The following KMT2C variants were observed in gnomAD, a reference collection of about 807,000 sequenced individuals.
KMT2C encodes the protein lysine methyltransferase 2C.
Under a neutral mutation model 507.9 loss-of-function variants are expected in KMT2C, and 88 were observed. That is an observed-to-expected ratio of 0.17 (90% CI 0.15 to 0.21). The LOEUF (loss-of-function observed/expected upper bound fraction) is 0.21, where lower values mean the gene tolerates loss of function less well. Ranked by LOEUF, KMT2C falls within the 10% of genes least tolerant of loss-of-function variation. KMT2C has a pLI of 1.00. For missense variants in KMT2C, 4,954 were observed against 5,957.8 expected, an observed-to-expected ratio of 0.83 and a Z score of 5.55; for synonymous variants, 2,049 against 2,080.8, an observed-to-expected ratio of 0.98 and a Z score of 0.42.
At chr7:152,320,690 G>A (rs912696851) in intron 3 of KMT2C, among the ~76,000 whole-genome samples, 2 of 151,950 alleles carry the variant, frequency 1.3e-5, no homozygotes, top group African/African-American at 4.8e-5. Context: ...TAAAAATTAA[G>A]TATTGAACAT....
chr7:152,341,701 GA>G (rs1340299066), intron 2 of KMT2C, among the ~76,000 whole-genome samples: 1 of 152,174 alleles, frequency 6.6e-6, no homozygotes, highest in South Asian at 2.1e-4. Context: ...TTTATCCAAA[GA>G]AAAACCTGAT....
At chr7:152,361,569 AAAAG>A (rs1445333679) in intron 1 of KMT2C, among the ~76,000 whole-genome samples, 1 of 152,192 alleles carries the variant, frequency 6.6e-6, no homozygotes, top group African/African-American at 2.4e-5. Flanking sequence ...GTCTCAAAAA[AAAAG>A]AATTTATTAA....
At chr7:152,313,106 C>CTAGA (rs2096688188) in intron 4 of KMT2C, among the ~76,000 whole-genome samples, 1 of 151,950 alleles carries the variant, frequency 6.6e-6, no homozygotes, top group Non-Finnish European at 1.5e-5. Flanking sequence ...AAAGGTATAG[C>CTAGA]ATGCTATGCT....
intron 24 of KMT2C, among the ~76,000 whole-genome samples, chr7:152,206,831 A>G (rs1321645516): frequency 6.6e-6 from 1 of 152,190 alleles, no homozygotes; most frequent in African/African-American, 2.4e-5. Context: ...ACTGGACTAT[A>G]AATTCTAGGA....
intron 6 of KMT2C, among the ~76,000 whole-genome samples, chr7:152,290,535 C>T (rs918526855): frequency 2.6e-5 from 4 of 151,084 alleles, no homozygotes; most frequent in African/African-American, 9.7e-5. Context: ...GTCTTGAGCT[C>T]CTGACCTCGT....
chr7:152,248,518 C>A lies in KMT2C; in HGVS notation c.1916G>T (p.Gly639Val), dbSNP rs769576763. Reference sequence around the variant, plus strand: ...CATTTTATCTTCAATTTGATCTTCGCCACAAATATGCTTCACTTCAGAAGA... The same window carrying A: ...CATTTTATCTTCAATTTGATCTTCGACACAAATATGCTTCACTTCAGAAGA... ...KMSSEVKHIC[G>V]EDQIEDKMEV... The change falls in exon 14 of 59, where the codon GGC (glycine) becomes GTC (valine). Residue 639 changes from glycine (G) to valine (V), a missense_variant. Physicochemically the swap from Gly to Val is moderately radical, Grantham distance 109. Around this residue, in one of 29 missense-constraint regions of KMT2C, gnomAD observed 376 missense variants for 352.4 expected, o/e 1.07. Transcript: ENST00000262189. 1.2e-6 allele frequency: 2 copies of A among 1,613,922 alleles called. No individual in the cohort carries two copies. Among genetic ancestry groups the A allele is most frequent in the South Asian group, 2.2e-5 (2 of 91,078 alleles).
intron 3 of KMT2C, among the ~76,000 whole-genome samples, chr7:152,330,310 T>G (rs1336432194): frequency 6.6e-6 from 1 of 152,178 alleles, no homozygotes; most frequent in Non-Finnish European, 1.5e-5. Context: ...TCATGCTAAA[T>G]GCTCACATTT....
At chr7:152,158,360 G>T (rs1023476474) in intron 44 of KMT2C, among the ~76,000 whole-genome samples, 2 of 152,128 alleles carry the variant, frequency 1.3e-5, no homozygotes, top group Non-Finnish European at 2.9e-5. Flanking sequence ...ATGAACATAA[G>T]AAAATCTTGA....
chr7:152,203,012 A>G lies in KMT2C; in HGVS notation c.4014T>C (p.Thr1338=), dbSNP rs754324175. Reference sequence around the variant, plus strand: ...TCTTCTTTATTTTTTCAGTGCTTTCAGTAACAGAAACAGATTCATCAACTA... The same window carrying G: ...TCTTCTTTATTTTTTCAGTGCTTTCGGTAACAGAAACAGATTCATCAACTA... ...DTLVDESVSV[T]ESTEKIKKRY... Residue 1338 remains threonine, a synonymous_variant, in exon 26 of 59, where the codon ACT becomes ACC. Coordinates refer to ENST00000262189, the MANE Select transcript of KMT2C (RefSeq NM_170606.3). 1.2e-6 allele frequency: 2 copies of G among 1,610,856 alleles called. No homozygotes were observed. The highest frequency in any genetic ancestry group is 1.3e-5 in the African/African-American group (1 of 74,772).
At chr7:152,160,140 G>A (rs1468213891) in intron 43 of KMT2C, among the ~76,000 whole-genome samples, 1 of 151,990 alleles carries the variant, frequency 6.6e-6, no homozygotes. Flanking sequence ...ATTTTTATGT[G>A]TCACAAAATA....
At chr7:152,375,041 A>C (rs116118690) in intron 1 of KMT2C, among the ~76,000 whole-genome samples, 1 of 152,120 alleles carries the variant, frequency 6.6e-6, no homozygotes, top group Non-Finnish European at 1.5e-5. Flanking sequence ...GTCACAGATA[A>C]TAAGTTGTTT....
rs1264078757 is a variant in KMT2C, at chr7:152,135,222, G to A, written c.*1610C>T. The A allele has an allele frequency of 1.4e-5, 3 of 220,562 alleles. No homozygotes were observed. In the East Asian group the frequency reaches 2.0e-4, roughly 15 times the overall value. 13.7% of individuals were successfully genotyped at this position (220,562 alleles called of 1,614,324 possible). On this transcript the variant is annotated 3_prime_UTR_variant, in exon 59 of 59. Transcript: ENST00000262189. ...TAAAAATACATCATGCCATATACAA[G>A]TTCAGAACTGCATCACTGAATATAC...
At chr7:152,395,181 T>C (rs113991469) in intron 1 of KMT2C, among the ~76,000 whole-genome samples, 1 of 152,174 alleles carries the variant, frequency 6.6e-6, no homozygotes, top group Non-Finnish European at 1.5e-5. Flanking sequence ...ATTAAAAAAA[T>C]TTTAAGGGTT....
Position 152,398,238 on chromosome 7 carries a change from C to CT in KMT2C, c.161+37387dup, listed in dbSNP as rs1200041927. Among the ~76,000 whole-genome samples, 99 of 152,322 alleles carry CT rather than the reference C, an allele frequency of 6.5e-4. 1 individual carries two copies. The highest frequency in any genetic ancestry group is 2.1e-3 in the African/African-American group (89 of 41,568). On this transcript the variant is annotated intron_variant, in intron 1 of 58. Coordinates refer to ENST00000262189, the MANE Select transcript of KMT2C (RefSeq NM_170606.3). ...CCATAAGGGCAGGAGCTTGGTCTCT[C>CT]TGGTTCACCACTGAATCCTTACACC... is the stretch of plus-strand genomic sequence containing the variant.
rs2129119522 is a variant in KMT2C, at chr7:152,181,015, C to T, written c.6845G>A (p.Gly2282Asp). 6.2e-7 allele frequency: 1 copy of T among 1,614,154 alleles called. No homozygotes were observed. The highest frequency in any genetic ancestry group is 8.5e-7 in the Non-Finnish European group (1 of 1,180,028). The change falls in exon 36 of 59, where the codon GGT (glycine) becomes GAT (aspartate). Residue 2282 changes from glycine (G) to aspartate (D), a missense_variant. Coordinates refer to ENST00000262189, the MANE Select transcript of KMT2C (RefSeq NM_170606.3). The part of the protein sequence containing the change: ...CSQTPRPPGP[G>D]LSDTFSRVSP... The stretch of plus-strand genomic sequence containing the variant: ...AACACGGCTAAATGTGTCTGAAAGA[C>T]CAGGTCCAGGGGGCCTAGGTGTCTG...
intron 8 of KMT2C, among the ~76,000 whole-genome samples, chr7:152,264,553 T>C (rs369366514): frequency 1.3e-5 from 2 of 152,126 alleles, no homozygotes; most frequent in Admixed American, 6.6e-5. Flanking sequence ...ATAGTAGAAA[T>C]TGTCCTTCCT....
chr7:152,220,448 T>C, intron 23 of KMT2C, 75 bp downstream of exon 23: 1 of 1,150,190 alleles, frequency 8.7e-7, no homozygotes, highest in South Asian at 1.3e-5. Context: ...TGGTAAATCA[T>C]ACACATATTT....
rs573303645 is a variant in KMT2C at position 152,373,560 on chromosome 7, A to G, written c.162-14885T>C. Among the ~76,000 whole-genome samples the G allele has an allele frequency of 1.3e-3, 200 of 152,358 alleles. 2 individuals carry two copies. The highest frequency in any genetic ancestry group is 4.3e-3 in the South Asian group (21 of 4,830). On this transcript the variant is annotated intron_variant, in intron 1 of 58. Transcript: ENST00000262189. ...GGATGTTGTGTCATTAAGCTAAGTG[A>G]TAAGAAATAAGACACTTTAATACCA... is the stretch of plus-strand genomic sequence containing the variant.
At chr7:152,249,209 C>G (rs1425020943) in intron 13 of KMT2C, among the ~76,000 whole-genome samples, 1 of 151,824 alleles carries the variant, frequency 6.6e-6, no homozygotes, top group Non-Finnish European at 1.5e-5. Flanking sequence ...AATTTTAAAT[C>G]AGGATACCAG....
Sources: gnomAD v4.1 joint callset for allele counts (sites outside exome capture counted in the v4.1 genomes callset) on GRCh38, gnomAD v4.1.1 for gene constraint, gnomAD v4.1.1 regional missense constraint, MANE v1.5 for transcripts, NCBI Gene and HGNC (gene_info 2026-07-23, HGNC 2026-07-21) for gene names.